Variants in SNTG1 observed in about 807,000 individuals in gnomAD.
The protein encoded by SNTG1 is gamma-1-syntrophin.
Under a neutral mutation model 74.7 loss-of-function variants are expected in SNTG1, and 39 were observed. The ratio of observed to expected loss-of-function variants is 0.52; its 90% CI spans 0.40 to 0.68. The LOEUF (loss-of-function observed/expected upper bound fraction) is 0.68, where lower values mean the gene tolerates loss of function less well. Among genes scored for constraint, SNTG1 ranks in the 30% least tolerant of loss-of-function variants. The pLI is 0.00. For synonymous variants in SNTG1, 254 were observed against 217.1 expected, an observed-to-expected ratio of 1.17 and a Z score of -1.49; for missense variants, 685 against 609.5, an observed-to-expected ratio of 1.12 and a Z score of -1.30.
At chr8:50,238,358 C>G (rs966955414) in intron 2 of SNTG1, among the ~76,000 whole-genome samples, 5 of 152,096 alleles carry the variant, frequency 3.3e-5, no homozygotes, top group Non-Finnish European at 7.4e-5. Flanking sequence ...GCCATCTCAT[C>G]TTTGTCAAAG....
At chr8:50,727,777 C>A (rs1208789620) in intron 17 of SNTG1, among the ~76,000 whole-genome samples, 1 of 152,178 alleles carries the variant, frequency 6.6e-6, no homozygotes, top group Non-Finnish European at 1.5e-5. Context: ...AGAGCTGATC[C>A]TGTGGCTATG....
intron 1 of SNTG1, among the ~76,000 whole-genome samples, chr8:49,981,332 T>C (rs1242955267): frequency 6.6e-6 from 1 of 152,038 alleles, no homozygotes; most frequent in Non-Finnish European, 1.5e-5. Flanking sequence ...CAAATGTAAA[T>C]ACAGAGCCTC....
chr8:50,099,664 C>A (rs182993426), intron 1 of SNTG1, among the ~76,000 whole-genome samples: 133 of 152,170 alleles, frequency 8.7e-4, no homozygotes, highest in Non-Finnish European at 9.9e-4. Flanking sequence ...TATCTTTTAT[C>A]TTTGTGATAA....
At chr8:50,632,634 T>C (rs1285291054) in intron 13 of SNTG1, among the ~76,000 whole-genome samples, 1 of 152,162 alleles carries the variant, frequency 6.6e-6, no homozygotes, top group African/African-American at 2.4e-5. Flanking sequence ...TCTTATTAGG[T>C]TAAGAAAAAT....
At chr8:50,235,797 C>CA (rs1208819587) in intron 2 of SNTG1, among the ~76,000 whole-genome samples, 2 of 151,572 alleles carry the variant, frequency 1.3e-5, no homozygotes, top group Non-Finnish European at 2.9e-5. Flanking sequence ...TAAAAGTATT[C>CA]AAAATAAATG....
At chr8:50,065,493 T>C (rs745638434) in intron 1 of SNTG1, among the ~76,000 whole-genome samples, 4 of 152,196 alleles carry the variant, frequency 2.6e-5, no homozygotes, top group Non-Finnish European at 5.9e-5. Flanking sequence ...TTATAACCTA[T>C]CAAAAACATT....
chr8:50,778,685 T>G (rs2095648772), intron 18 of SNTG1, among the ~76,000 whole-genome samples: 1 of 127,824 alleles, frequency 7.8e-6, no homozygotes, highest in African/African-American at 4.9e-5. Context: ...TTTCTTTTGC[T>G]GTGCAGAAGC....
At chr8:50,027,527 G>T (rs1239984758) in intron 1 of SNTG1, among the ~76,000 whole-genome samples, 1 of 152,324 alleles carries the variant, frequency 6.6e-6, no homozygotes, top group South Asian at 2.1e-4. Flanking sequence ...GACATACAGA[G>T]GAAGGGTGCC....
At chr8:49,975,530 A>AT (rs904028860) in intron 1 of SNTG1, among the ~76,000 whole-genome samples, 5 of 151,582 alleles carry the variant, frequency 3.3e-5, no homozygotes, top group African/African-American at 7.3e-5. Flanking sequence ...CAATCTGATA[A>AT]TTTTTTTTTC....
At chr8:49,929,665 A>T (rs1342792571) in intron 1 of SNTG1, among the ~76,000 whole-genome samples, 1 of 152,144 alleles carries the variant, frequency 6.6e-6, no homozygotes, top group Admixed American at 6.5e-5. Flanking sequence ...AGATCCCTGA[A>T]TCACGGATTT....
chr8:50,393,049 AG>A (rs138791163), intron 2 of SNTG1, among the ~76,000 whole-genome samples: 7,151 of 152,232 alleles, frequency 0.047, 220 homozygotes, highest in Middle Eastern at 0.095. Flanking sequence ...AGATATTTAC[AG>A]GTTCTTCAAA....
At chr8:50,202,683 GT>G (rs1250201957) in intron 2 of SNTG1, among the ~76,000 whole-genome samples, 3 of 151,918 alleles carry the variant, frequency 2.0e-5, no homozygotes, top group African/African-American at 7.2e-5. Flanking sequence ...ATGGAAATAA[GT>G]TTTCATTTAA....
At chr8:50,784,284 G>A (rs1190830650) in intron 18 of SNTG1, among the ~76,000 whole-genome samples, 2 of 152,132 alleles carry the variant, frequency 1.3e-5, no homozygotes, top group Admixed American at 6.5e-5. Context: ...TCTTCCTAGA[G>A]AAGTAGAATT....
intron 1 of SNTG1, among the ~76,000 whole-genome samples, chr8:49,921,452 G>T (rs1275996445): frequency 6.6e-6 from 1 of 152,074 alleles, no homozygotes; most frequent in East Asian, 1.9e-4. Context: ...AGATCCTCAA[G>T]ATCAAATCAA....
intron 1 of SNTG1, among the ~76,000 whole-genome samples, chr8:50,131,416 T>A (rs2081313271): frequency 6.6e-6 from 1 of 152,164 alleles, no homozygotes; most frequent in Admixed American, 6.6e-5. Context: ...TGTGAAATCA[T>A]GCAGTATTTT....
chr8:50,299,765 C>T (rs1270460561), intron 2 of SNTG1, among the ~76,000 whole-genome samples: 2 of 151,956 alleles, frequency 1.3e-5, no homozygotes, highest in African/African-American at 4.8e-5. Context: ...TAGAACTAGC[C>T]CTATTTCAAG....
chr8:50,261,975 G>C (rs1258099164), intron 2 of SNTG1, among the ~76,000 whole-genome samples: 2 of 152,060 alleles, frequency 1.3e-5, no homozygotes, highest in African/African-American at 4.8e-5. Flanking sequence ...TTAAAATATA[G>C]AGAATTTGGC....
intron 13 of SNTG1, among the ~76,000 whole-genome samples, chr8:50,630,182 A>G (rs1235549028): frequency 6.6e-6 from 1 of 152,208 alleles, no homozygotes; most frequent in African/African-American, 2.4e-5. Context: ...GAGGCTTGAA[A>G]TATTAATTTG....
At chr8:50,312,079 GA>G (rs11286588) in intron 2 of SNTG1, among the ~76,000 whole-genome samples, 71,457 of 151,906 alleles carry the variant, frequency 0.47, 19,378 homozygotes, top group East Asian at 0.83. Context: ...TTTTAAAATA[GA>G]AAAAAATCCA....
Sources: gnomAD v4.1 joint callset for allele counts (sites outside exome capture counted in the v4.1 genomes callset) on GRCh38, gnomAD v4.1.1 for gene constraint, MANE v1.5 for transcripts, NCBI Gene and HGNC (gene_info 2026-07-23, HGNC 2026-07-21) for gene names.